The following SLC35F1 variants were observed in gnomAD, a reference collection of about 807,000 sequenced individuals.
The protein encoded by SLC35F1 is solute carrier family 35 member F1.
A neutral mutation model predicts 48.7 loss-of-function variants in SLC35F1; 14 were observed. The observed-to-expected ratio is 0.29, with a 90% CI of 0.19 to 0.45. The LOEUF (loss-of-function observed/expected upper bound fraction) is 0.45. SLC35F1 is among the 20% of genes least tolerant of loss of function. The pLI, the probability that SLC35F1 is intolerant of heterozygous loss-of-function variation, is 1.00. For synonymous variants in SLC35F1, 190 were observed against 202.2 expected, an observed-to-expected ratio of 0.94 and a Z score of 0.51; for missense variants, 404 against 500.0, an observed-to-expected ratio of 0.81 and a Z score of 1.83.
intron 1 of SLC35F1, among the ~76,000 whole-genome samples, chr6:118,129,868 G>A (rs765896931): frequency 1.3e-5 from 2 of 152,094 alleles, no homozygotes; most frequent in Non-Finnish European, 1.5e-5. Context: ...AATAGTAGCT[G>A]TAAAAGCCAT....
intron 2 of SLC35F1, among the ~76,000 whole-genome samples, chr6:118,202,214 A>G (rs1167658527): frequency 2.0e-5 from 3 of 152,152 alleles, no homozygotes; most frequent in Non-Finnish European, 4.4e-5. Flanking sequence ...GCTGCACCGG[A>G]GCAGGTGCAG....
intron 2 of SLC35F1, among the ~76,000 whole-genome samples, chr6:118,177,605 C>T (rs1774509380): frequency 6.6e-6 from 1 of 152,032 alleles, no homozygotes; most frequent in African/African-American, 2.4e-5. Context: ...GGTCCGGCCT[C>T]TTCTATGTAT....
intron 1 of SLC35F1, among the ~76,000 whole-genome samples, chr6:118,054,638 C>T (rs962948479): frequency 6.6e-5 from 10 of 152,126 alleles, no homozygotes; most frequent in African/African-American, 2.4e-4. Context: ...TTACCTGTCA[C>T]CTTCTTCCCT....
In SLC35F1 at chr6:117,907,609, C is replaced by A; in HGVS notation, c.-118C>A. ...CCCCGCCTCACCGCTTCGCAGGCAG[C>A]ACCGCCTCCCGGGCCGCGGCCGCCC... On this transcript the variant is annotated 5_prime_UTR_variant, in exon 1 of 8. Coordinates refer to ENST00000360388, the MANE Select transcript of SLC35F1 (RefSeq NM_001029858.4). 1.9e-6 allele frequency: 1 copy of A among 521,044 alleles called. No individual in the cohort carries two copies. Among genetic ancestry groups the A allele is most frequent in the Non-Finnish European group, 3.1e-6 (1 of 323,924 alleles). The allele number at this position is 521,044 out of a possible 1,614,324, so 32.3% of individuals were successfully genotyped here.
At chr6:117,963,458 A>G (rs80205572) in intron 1 of SLC35F1, among the ~76,000 whole-genome samples, 3,695 of 152,118 alleles carry the variant, frequency 0.024, 66 homozygotes, top group Non-Finnish European at 0.041. Context: ...ACATGTGCGC[A>G]TTCTAAGGGT....
At chr6:118,221,633 T>C (rs565995661) in intron 2 of SLC35F1, among the ~76,000 whole-genome samples, 3 of 152,350 alleles carry the variant, frequency 2.0e-5, no homozygotes, top group Non-Finnish European at 2.9e-5. Context: ...TTCTTCTTTT[T>C]GTAGCTTTCT....
intron 1 of SLC35F1, among the ~76,000 whole-genome samples, chr6:118,016,444 GAATTCTGT>G (rs1777323832): frequency 6.6e-6 from 1 of 152,150 alleles, no homozygotes; most frequent in South Asian, 2.1e-4. Flanking sequence ...CAAGAAATCT[GAATTCTGT>G]AAGCACTTTA....
chr6:118,070,427 C>T (rs1050159957), intron 1 of SLC35F1, among the ~76,000 whole-genome samples: 5 of 152,132 alleles, frequency 3.3e-5, no homozygotes, highest in African/African-American at 1.2e-4. Flanking sequence ...TAAACAATGA[C>T]AGTAAATTCT....
At chr6:117,955,646 T>A (rs530907215) in intron 1 of SLC35F1, among the ~76,000 whole-genome samples, 3 of 152,000 alleles carry the variant, frequency 2.0e-5, no homozygotes, top group Non-Finnish European at 4.4e-5. Flanking sequence ...AGACCCAAGG[T>A]GAAGAAAATA....
At chr6:118,281,317 T>C (rs1236560117) in intron 6 of SLC35F1, among the ~76,000 whole-genome samples, 1 of 152,062 alleles carries the variant, frequency 6.6e-6, no homozygotes, top group African/African-American at 2.4e-5. Context: ...ATGAGTGTTA[T>C]GTATTCAGAA....
intron 1 of SLC35F1, among the ~76,000 whole-genome samples, chr6:118,023,724 G>A (rs993229071): frequency 6.6e-6 from 1 of 152,094 alleles, no homozygotes; most frequent in Admixed American, 6.5e-5. Flanking sequence ...TAATATTAAG[G>A]TTATCATCTT....
intron 1 of SLC35F1, among the ~76,000 whole-genome samples, chr6:118,138,250 G>A (rs1169917819): frequency 4.0e-5 from 6 of 151,362 alleles, no homozygotes; most frequent in Non-Finnish European, 8.8e-5. Context: ...CCAGGCTGCA[G>A]TGAGCCATGA....
intron 2 of SLC35F1, among the ~76,000 whole-genome samples, chr6:118,227,185 G>A (rs1472638685): frequency 6.6e-6 from 1 of 152,170 alleles, no homozygotes. Context: ...CTGGAGCCTG[G>A]AAACATGGCA....
chr6:117,947,447 G>T (rs1776309462), intron 1 of SLC35F1, among the ~76,000 whole-genome samples: 1 of 152,158 alleles, frequency 6.6e-6, no homozygotes, highest in South Asian at 2.1e-4. Context: ...GGATTTTTTA[G>T]CAGAGAAGAA....
At chr6:117,930,981 C>T (rs556113094) in intron 1 of SLC35F1, among the ~76,000 whole-genome samples, 8 of 152,072 alleles carry the variant, frequency 5.3e-5, no homozygotes, top group Non-Finnish European at 8.8e-5. Context: ...TACCTTTTAC[C>T]CTTTTAGCCT....
intron 3 of SLC35F1, among the ~76,000 whole-genome samples, chr6:118,245,863 A>G (rs1775501279): frequency 6.6e-6 from 1 of 152,140 alleles, no homozygotes; most frequent in African/African-American, 2.4e-5. Context: ...GTTTGCCTTC[A>G]AACTATCTAG....
Position 117,999,491 on chromosome 6 carries a change from C to A in SLC35F1, c.173+91592C>A, listed in dbSNP as rs1229138203. 5.7e-5 allele frequency: 81 copies of A among 1,431,896 alleles called. No homozygotes were observed. In the Middle Eastern group the frequency reaches 1.5e-3, roughly 27 times the overall value. 88.7% of individuals were successfully genotyped at this position (1,431,896 alleles called of 1,614,324 possible). ...AGGACAGAAGGACTGGTGCGACCCC[C>A]CACCCCCACCCCTGGGCTATCATCT... On this transcript the variant is annotated intron_variant, in intron 1 of 7. Coordinates refer to ENST00000360388, the MANE Select transcript of SLC35F1 (RefSeq NM_001029858.4).
At chr6:118,201,077 A>C (rs1444874863) in intron 2 of SLC35F1, among the ~76,000 whole-genome samples, 2 of 152,112 alleles carry the variant, frequency 1.3e-5, no homozygotes, top group Non-Finnish European at 2.9e-5. Context: ...ATGCCCAGCT[A>C]ATTATTTCTT....
intron 1 of SLC35F1, among the ~76,000 whole-genome samples, chr6:117,910,423 G>A (rs1280814100): frequency 6.6e-6 from 1 of 151,992 alleles, no homozygotes; most frequent in Middle Eastern, 3.4e-3. Context: ...CTCCTTTTTT[G>A]CTTTCTTCTT....
Sources: gnomAD v4.1 joint callset for allele counts (sites outside exome capture counted in the v4.1 genomes callset) on GRCh38, gnomAD v4.1.1 for gene constraint, MANE v1.5 for transcripts, NCBI Gene and HGNC (gene_info 2026-07-23, HGNC 2026-07-21) for gene names.